CFAP206: variants seen among roughly 807,000 people sequenced by gnomAD.
CFAP206 encodes cilia- and flagella-associated protein 206.
In CFAP206, 53 loss-of-function variants were observed where a neutral mutation model predicts 65.4. That is an observed-to-expected ratio of 0.81 (90% CI 0.65 to 1.02). The LOEUF is 1.02. Ranked by LOEUF, CFAP206 falls within the 50% of genes least tolerant of loss-of-function variation. The pLI, the probability that CFAP206 is intolerant of heterozygous loss-of-function variation, is 0.00. For synonymous variants in CFAP206, 250 were observed against 254.4 expected (o/e 0.98, Z 0.17); for missense variants, 663 against 753.2 (o/e 0.88, Z 1.40).
chr6:87,417,125 CAA>C (rs1379252569), intron 6 of CFAP206, among the ~76,000 whole-genome samples: 1 of 152,078 alleles, frequency 6.6e-6, no homozygotes, highest in Admixed American at 6.5e-5. Flanking sequence ...TTCATTACTG[CAA>C]GTCCGTAACC....
intron 7 of CFAP206, among the ~76,000 whole-genome samples, chr6:87,421,470 A>T (rs1462086528): frequency 6.6e-6 from 1 of 152,158 alleles, no homozygotes; most frequent in Non-Finnish European, 1.5e-5. Context: ...TGGGCGACAG[A>T]GTGAGACACT....
intron 11 of CFAP206, 28 bp from the exon 12 acceptor site, chr6:87,460,994 C>G: frequency 6.5e-7 from 1 of 1,545,922 alleles, no homozygotes; most frequent in South Asian, 1.3e-5. Flanking sequence ...TTTTTACAAG[C>G]ACTAACTACA....
intron 1 of CFAP206, 74 bp downstream of exon 1, chr6:87,408,163 C>A (rs1767658470): frequency 1.3e-6 from 1 of 796,120 alleles, no homozygotes; most frequent in Non-Finnish European, 1.5e-6. Context: ...GGGCGGCTGG[C>A]GGAGCTCGGG....
intron 11 of CFAP206, among the ~76,000 whole-genome samples, chr6:87,459,171 T>C (rs895682636): frequency 6.6e-6 from 1 of 152,124 alleles, no homozygotes; most frequent in Non-Finnish European, 1.5e-5. Context: ...TGAAAAATTA[T>C]GAGGGGAAAA....
At chr6:87,461,236 G>T (rs189493699) in intron 12 of CFAP206, 71 bp downstream of exon 12, 1 of 1,025,230 alleles carries the variant, frequency 9.8e-7, no homozygotes, top group Non-Finnish European at 1.3e-6. Context: ...CATAGAGTTG[G>T]TAAATTAAAT....
At chr6:87,452,795 A>G (rs981534026) in intron 11 of CFAP206, among the ~76,000 whole-genome samples, 14 of 152,130 alleles carry the variant, frequency 9.2e-5, no homozygotes, top group Non-Finnish European at 5.9e-5. Context: ...GAGTCAAAAG[A>G]AGAAAGAATA....
At position 87,438,699 on chromosome 6, in the gene CFAP206, C is replaced by T. The variant is rs557697153; in HGVS notation, c.1494+3646C>T. ...CATGGCCGTCCCTGGCTCTATTTGTCAGAGTTTTTAACACAAGTGACAACA... is the reference window on the plus strand; with the variant it reads ...CATGGCCGTCCCTGGCTCTATTTGTTAGAGTTTTTAACACAAGTGACAACA... On this transcript the variant is annotated intron_variant, in intron 11 of 12. Coordinates refer to ENST00000369562, the MANE Select transcript of CFAP206 (RefSeq NM_001031743.3). 2.6e-5 allele frequency among the ~76,000 whole-genome samples: 4 copies of T among 152,210 alleles called. No homozygotes were observed. In the East Asian group the frequency reaches 7.7e-4, roughly 29 times the overall value.
intron 7 of CFAP206, among the ~76,000 whole-genome samples, chr6:87,419,121 G>GTT (rs780396550): frequency 1.4e-4 from 19 of 132,556 alleles, no homozygotes; most frequent in Non-Finnish European, 2.0e-4. Flanking sequence ...AAAAACGTTT[G>GTT]TTTTTTTTTT....
Position 87,415,699 on chromosome 6 carries a change from A to G in CFAP206, c.297A>G (p.Glu99=). Residue 99 remains glutamate (E), a synonymous_variant, in exon 5 of 13, where the codon GAA becomes GAG. Transcript: ENST00000369562. ...TGGCAATTTTAGTGGAATTTCTCGA[A>G]GAACATCACCGGGTCCTAGAGTCTA... ...MNYTNRVEFL[E]EHHRVLESRL... The G allele has an allele frequency of 6.2e-7, 1 of 1,602,966 alleles. No individual in the cohort carries two copies. Among genetic ancestry groups the G allele is most frequent in the African/African-American group, 1.3e-5 (1 of 74,402 alleles).
At chr6:87,455,474 T>C (rs1213895710) in intron 11 of CFAP206, among the ~76,000 whole-genome samples, 1 of 151,068 alleles carries the variant, frequency 6.6e-6, no homozygotes, top group African/African-American at 2.4e-5. Flanking sequence ...ACAGCCAAAA[T>C]TAGTAGATGA....
intron 11 of CFAP206, among the ~76,000 whole-genome samples, chr6:87,448,305 C>A (rs1288863139): frequency 2.0e-5 from 3 of 152,148 alleles, no homozygotes; most frequent in Non-Finnish European, 4.4e-5. Context: ...CAGCCACACG[C>A]CACTGTGCCT....
At chr6:87,433,338 A>G (rs1005726612) in intron 10 of CFAP206, among the ~76,000 whole-genome samples, 3 of 152,230 alleles carry the variant, frequency 2.0e-5, no homozygotes, top group Non-Finnish European at 4.4e-5. Flanking sequence ...CCTTAGCACC[A>G]TGAACATGGT....
In CFAP206 at chr6:87,434,842, T is replaced by C; in HGVS notation, c.1301-18T>C. 1.6e-6 allele frequency: 2 copies of C among 1,246,274 alleles called. No individual in the cohort carries two copies. Among genetic ancestry groups the C allele is most frequent in the Non-Finnish European group, 2.2e-6 (2 of 892,072 alleles). 77.2% of individuals were successfully genotyped at this position (1,246,274 alleles called of 1,614,324 possible). A position where few individuals can be genotyped will look rare whatever the true frequency, so the allele number is the denominator to read the frequency against. On this transcript the variant is annotated intron_variant, in intron 10 of 12. Coordinates refer to ENST00000369562, the MANE Select transcript of CFAP206 (RefSeq NM_001031743.3). ...AGTGATCAAGACATTTCATATCTAA[T>C]TCTTTTTTTATTTTCAGGAAATCCA...
At chr6:87,461,986 G>C (rs1768758399) in intron 12 of CFAP206, among the ~76,000 whole-genome samples, 1 of 152,198 alleles carries the variant, frequency 6.6e-6, no homozygotes, top group Non-Finnish European at 1.5e-5. Context: ...CTGGAAGCAG[G>C]CTAACTAGAA....
In CFAP206 at chr6:87,440,465, C is replaced by T. The variant is rs141863949; in HGVS notation, c.1494+5412C>T. Among the ~76,000 whole-genome samples, 344 of 151,618 alleles carry T rather than the reference C, an allele frequency of 2.3e-3. 1 individual carries two copies. Among genetic ancestry groups the T allele is most frequent in the African/African-American group, 7.3e-3 (302 of 41,330 alleles). On this transcript the variant is annotated intron_variant, in intron 11 of 12. Coordinates refer to ENST00000369562, the MANE Select transcript of CFAP206 (RefSeq NM_001031743.3). ...CCCCTAGACTTTGTATTTTTTTTAA[C>T]GCGATATTGCTTTATTACAGGAGGT...
chr6:87,458,699 T>C, intron 11 of CFAP206, among the ~76,000 whole-genome samples: 1 of 151,960 alleles, frequency 6.6e-6, no homozygotes, highest in Non-Finnish European at 1.5e-5. Flanking sequence ...GGATGGTTAA[T>C]GGGTACAAAA....
chr6:87,427,322 G>A (rs1768060005), intron 8 of CFAP206, among the ~76,000 whole-genome samples: 1 of 152,010 alleles, frequency 6.6e-6, no homozygotes, highest in Admixed American at 6.6e-5. Flanking sequence ...TGCATTTTTA[G>A]TAGGGACAGG....
At chr6:87,433,716 A>G (rs1050144240) in intron 10 of CFAP206, among the ~76,000 whole-genome samples, 3 of 152,240 alleles carry the variant, frequency 2.0e-5, no homozygotes, top group African/African-American at 7.2e-5. Flanking sequence ...TATAATTAGT[A>G]TGTATTTCAC....
chr6:87,445,167 TC>T, intron 11 of CFAP206: 1 of 281,714 alleles, frequency 3.5e-6, no homozygotes, highest in Non-Finnish European at 6.9e-6. Flanking sequence ...CATTTTCATC[TC>T]CCCTTTCTTT....
Sources: gnomAD v4.1 joint callset for allele counts (sites outside exome capture counted in the v4.1 genomes callset) on GRCh38, gnomAD v4.1.1 for gene constraint, MANE v1.5 for transcripts, NCBI Gene and HGNC (gene_info 2026-07-23, HGNC 2026-07-21) for gene names.